The following GSE1 variants were observed in gnomAD, a reference collection of about 807,000 sequenced individuals.
The protein encoded by GSE1 is Gse1 coiled-coil protein, also known as genetic suppressor element 1.
GSE1 carries 32 observed loss-of-function variants against 112.6 expected under a neutral mutation model. That is an observed-to-expected ratio of 0.28 (90% CI 0.21 to 0.38). GSE1 has a LOEUF of 0.38. GSE1 is among the 10% of genes least tolerant of loss of function. The pLI is 1.00. For missense variants in GSE1, 2,348 were observed against 1,699.2 expected (o/e 1.38, Z -6.71); for synonymous variants, 1,115 against 735.6 (o/e 1.52, Z -8.35).
At chr16:85,658,526 C>T (rs941074386) in intron 8 of GSE1, among the ~76,000 whole-genome samples, 1 of 152,208 alleles carries the variant, frequency 6.6e-6, no homozygotes, top group African/African-American at 2.4e-5. Flanking sequence ...TAAAATCTGT[C>T]CTCCCTTCTG....
In GSE1 at chr16:85,316,171, C is replaced by T. The variant is rs112691093; in HGVS notation, c.2284-41292C>T. On this transcript the variant is annotated intron_variant, in intron 1 of 2. Transcript: ENST00000637419. ...ACTCGGTGCAGAAGTGCGACACCAG[C>T]CACCTATTCCATTTTCAGTTTCCTA... is the stretch of plus-strand genomic sequence containing the variant. 9.8e-3 allele frequency among the ~76,000 whole-genome samples: 1,490 copies of T among 152,362 alleles called. 14 individuals carry two copies. The highest frequency in any genetic ancestry group is 0.013 in the Non-Finnish European group (882 of 68,036).
At chr16:85,443,644 C>T (rs1303039377) in intron 2 of GSE1, among the ~76,000 whole-genome samples, 2 of 152,364 alleles carry the variant, frequency 1.3e-5, no homozygotes, top group Admixed American at 6.5e-5. Flanking sequence ...CCGAGTGCAG[C>T]GGGGAACCGA....
chr16:85,220,095 G>A (rs939763412), intron 1 of GSE1, among the ~76,000 whole-genome samples: 16 of 152,240 alleles, frequency 1.1e-4, no homozygotes, highest in Admixed American at 7.2e-4. Flanking sequence ...TGGCTGGGGG[G>A]CCAGCACCCC....
At position 85,668,311 on chromosome 16, in the gene GSE1, C is replaced by T. The variant is rs538051309; in HGVS notation, c.3302C>T (p.Ser1101Leu). 37 of 1,612,490 alleles carry T rather than the reference C, an allele frequency of 2.3e-5. No individual in the cohort carries two copies. The highest frequency in any genetic ancestry group is 1.6e-4 in the South Asian group (15 of 91,030). The stretch of plus-strand genomic sequence containing the variant: ...CCAACCCAGGAGTTGGACCGGGACT[C>T]GGAGGAGGAGGAAGAGGAGGATGAT... ...GPPTQELDRD[S>L]EEEEEEDDED... Residue 1101 changes from serine to leucine, a missense_variant, in exon 14 of 16, where the codon TCG becomes TTG. Coordinates refer to ENST00000253458, the MANE Select transcript of GSE1 (RefSeq NM_014615.5).
chr16:85,316,919 A>G (rs1048022657), intron 1 of GSE1, among the ~76,000 whole-genome samples: 1 of 152,134 alleles, frequency 6.6e-6, no homozygotes, highest in African/African-American at 2.4e-5. Context: ...TGGGCCACAG[A>G]GCAGGAGCCC....
chr16:85,252,296 T>C (rs7192883), intron 1 of GSE1, among the ~76,000 whole-genome samples: 1,900 of 128,154 alleles, frequency 0.015, 30 homozygotes, highest in African/African-American at 0.067. Flanking sequence ...GGGAATCTGG[T>C]GGCAGGAGGG....
At chr16:85,543,239 G>C (rs1222248012) in intron 2 of GSE1, among the ~76,000 whole-genome samples, 2 of 149,350 alleles carry the variant, frequency 1.3e-5, no homozygotes, top group Non-Finnish European at 3.0e-5. Flanking sequence ...AGTCTCCTTT[G>C]CCTTGCTTTT....
intron 2 of GSE1, among the ~76,000 whole-genome samples, chr16:85,459,868 G>A (rs989815469): frequency 1.3e-5 from 2 of 152,190 alleles, no homozygotes; most frequent in Non-Finnish European, 2.9e-5. Context: ...GGTTGCTGAC[G>A]CCCAGGGAAG....
At chr16:85,402,941 C>G (rs112604716) in intron 2 of GSE1, among the ~76,000 whole-genome samples, 136 of 151,890 alleles carry the variant, frequency 9.0e-4, no homozygotes, top group African/African-American at 3.1e-3. Flanking sequence ...TGCCCCAAAA[C>G]TTCGTGGCTC....
chr16:85,187,932 C>T (rs771757970), intron 1 of GSE1, among the ~76,000 whole-genome samples: 1 of 152,222 alleles, frequency 6.6e-6, no homozygotes, highest in East Asian at 1.9e-4. Context: ...CCCTCACGCT[C>T]AGGATAACCC....
chr16:85,343,543 G>T (rs2046668673), intron 1 of GSE1, among the ~76,000 whole-genome samples: 1 of 152,130 alleles, frequency 6.6e-6, no homozygotes, highest in South Asian at 2.1e-4. Context: ...TAAGCCAACA[G>T]TTCGAGATGA....
chr16:85,461,626 C>G (rs931372818), intron 2 of GSE1, among the ~76,000 whole-genome samples: 3 of 152,196 alleles, frequency 2.0e-5, no homozygotes, highest in African/African-American at 7.2e-5. Context: ...TAAGAATCGC[C>G]TGGGTAGTGG....
chr16:85,556,597 G>C (rs915859211), intron 1 of GSE1, among the ~76,000 whole-genome samples: 17 of 151,378 alleles, frequency 1.1e-4, no homozygotes, highest in Non-Finnish European at 2.4e-4. Context: ...TCGCGCCGCC[G>C]CCGGGGGTTG....
At chr16:85,495,621 G>A (rs2051150692) in intron 2 of GSE1, among the ~76,000 whole-genome samples, 2 of 151,910 alleles carry the variant, frequency 1.3e-5, no homozygotes, top group South Asian at 4.2e-4. Context: ...CTCTCAATAA[G>A]CTGGGATTAC....
At chr16:85,527,654 G>A (rs2052406781) in intron 2 of GSE1, among the ~76,000 whole-genome samples, 1 of 152,260 alleles carries the variant, frequency 6.6e-6, no homozygotes, top group Non-Finnish European at 1.5e-5. Context: ...TGGGAAGCGG[G>A]GCCGGCAGCC....
chr16:85,536,712 G>A (rs933115579), intron 2 of GSE1, among the ~76,000 whole-genome samples: 3 of 152,242 alleles, frequency 2.0e-5, no homozygotes, highest in African/African-American at 4.8e-5. Flanking sequence ...AGCCTGCCTG[G>A]CCTGGAATGG....
chr16:85,336,162 G>A (rs2046479262), intron 1 of GSE1, among the ~76,000 whole-genome samples: 1 of 152,220 alleles, frequency 6.6e-6, no homozygotes. Flanking sequence ...AGGGTCACCA[G>A]GGGCTGACTG....
intron 1 of GSE1, among the ~76,000 whole-genome samples, chr16:85,348,759 C>T (rs369238673): frequency 1.3e-5 from 2 of 152,182 alleles, no homozygotes; most frequent in African/African-American, 4.8e-5. Flanking sequence ...CCAGGAGACT[C>T]GGGCAGCTGC....
At chr16:85,396,579 T>C (rs1036993742) in intron 2 of GSE1, among the ~76,000 whole-genome samples, 1 of 152,166 alleles carries the variant, frequency 6.6e-6, no homozygotes, top group African/African-American at 2.4e-5. Flanking sequence ...CCTGGAGCCA[T>C]GGAGGAGAGC....
Sources: gnomAD v4.1 joint callset for allele counts (sites outside exome capture counted in the v4.1 genomes callset) on GRCh38, gnomAD v4.1.1 for gene constraint, MANE v1.5 for transcripts, NCBI Gene and HGNC (gene_info 2026-07-23, HGNC 2026-07-21) for gene names.